The following CHMP4C variants were observed in gnomAD, a reference collection of about 807,000 sequenced individuals.
The protein encoded by CHMP4C is SNF7 homolog associated with Alix 3.
A neutral mutation model predicts 29.0 loss-of-function variants in CHMP4C; 28 were observed. The observed-to-expected ratio is 0.97, with a 90% CI of 0.72 to 1.32. The LOEUF (loss-of-function observed/expected upper bound fraction) is 1.32, where lower values mean the gene tolerates loss of function less well. CHMP4C is among the 40% of genes most tolerant of loss of function. The pLI is 0.00. For missense variants in CHMP4C, 291 were observed against 281.0 expected (o/e 1.04, Z -0.25); for synonymous variants, 106 against 102.4 (o/e 1.04, Z -0.21).
At chr8:81,752,248 T>C (rs954502194) in intron 1 of CHMP4C, among the ~76,000 whole-genome samples, 2 of 152,214 alleles carry the variant, frequency 1.3e-5, no homozygotes, top group Non-Finnish European at 2.9e-5. Context: ...AACATTCTGC[T>C]GCTGCTCTTT....
At chr8:81,757,905 T>C (rs901906701) in intron 3 of CHMP4C, among the ~76,000 whole-genome samples, 12 of 152,346 alleles carry the variant, frequency 7.9e-5, no homozygotes, top group Admixed American at 7.8e-4. Context: ...CACAAATTAC[T>C]TGAATGGCTG....
At position 81,758,514 on chromosome 8, in the gene CHMP4C, T is replaced by A; in HGVS notation, c.672T>A (p.Asp224Glu). The A allele has an allele frequency of 6.2e-7, 1 of 1,613,304 alleles. No individual in the cohort carries two copies. The highest frequency in any genetic ancestry group is 8.5e-7 in the Non-Finnish European group (1 of 1,179,272). Residue 224 changes from aspartate (D) to glutamate (E), a missense_variant, in exon 5 of 5, where the codon GAT becomes GAA. Asp to Glu is a conservative substitution (Grantham distance 45). Coordinates refer to ENST00000297265, the MANE Select transcript of CHMP4C (RefSeq NM_152284.4). ...AGAGGGCAGAAGAAGAGGATGATGA[T>A]ATCAAACAATTGGCAGCTTGGGCTA... Reference protein sequence around the residue: ...SSQRAEEEDDDIKQLAAWAT With the variant: ...SSQRAEEEDDEIKQLAAWAT
chr8:81,749,846 G>A (rs1007221180), intron 1 of CHMP4C, among the ~76,000 whole-genome samples: 5 of 152,190 alleles, frequency 3.3e-5, no homozygotes, highest in African/African-American at 9.7e-5. Flanking sequence ...CTCAGATGGA[G>A]ATGAGGAACT....
chr8:81,754,304 T>A (rs1370807204), intron 2 of CHMP4C, among the ~76,000 whole-genome samples: 1 of 152,138 alleles, frequency 6.6e-6, no homozygotes, highest in Non-Finnish European at 1.5e-5. Context: ...ACCATTGTAT[T>A]ACATTTGAGA....
chr8:81,748,504 A>G (rs989419307), intron 1 of CHMP4C, among the ~76,000 whole-genome samples: 1 of 152,226 alleles, frequency 6.6e-6, no homozygotes, highest in Admixed American at 6.5e-5. Context: ...GAACTAATAA[A>G]TGTCCATAAA....
At chr8:81,733,920 T>C (rs1007136714) in intron 1 of CHMP4C, among the ~76,000 whole-genome samples, 1 of 152,200 alleles carries the variant, frequency 6.6e-6, no homozygotes, top group Non-Finnish European at 1.5e-5. Context: ...CATTGTTTAA[T>C]GCAGGAAAGG....
At chr8:81,756,013 T>C (rs1484608470) in intron 3 of CHMP4C, among the ~76,000 whole-genome samples, 1 of 152,172 alleles carries the variant, frequency 6.6e-6, no homozygotes, top group Non-Finnish European at 1.5e-5. Flanking sequence ...ACTGTGAATT[T>C]CAATTGTTCT....
chr8:81,734,727 G>C (rs1244474795), intron 1 of CHMP4C, among the ~76,000 whole-genome samples: 1 of 152,016 alleles, frequency 6.6e-6, no homozygotes, highest in Non-Finnish European at 1.5e-5. Context: ...AATAATGTGG[G>C]TTTTACTGAT....
In CHMP4C at chr8:81,758,222, G is replaced by A. The variant is rs758354901; in HGVS notation, c.564G>A (p.Val188=). Residue 188 remains valine (V), a synonymous_variant, in exon 4 of 5, where the codon GTG becomes GTA. Transcript: ENST00000297265. ...KKMTNIRLPN[V]PSSSLPAQPN... The stretch of plus-strand genomic sequence containing the variant: ...TGACAAATATCCGCCTTCCAAATGT[G>A]CCTTCCTCTTCTCTCCCAGCACAGC... 9.3e-6 allele frequency: 15 copies of A among 1,613,946 alleles called. No homozygotes were observed. In the East Asian group the frequency reaches 3.3e-4, roughly 36 times the overall value.
intron 1 of CHMP4C, among the ~76,000 whole-genome samples, chr8:81,748,924 TAAA>T (rs34505643): frequency 4.2e-5 from 5 of 120,314 alleles, no homozygotes; most frequent in Admixed American, 8.6e-5. Flanking sequence ...AGACTCTGTG[TAAA>T]AAAAAAAAAA....
intron 1 of CHMP4C, among the ~76,000 whole-genome samples, chr8:81,746,286 G>A (rs942962745): frequency 6.6e-6 from 1 of 152,136 alleles, no homozygotes; most frequent in Non-Finnish European, 1.5e-5. Context: ...AAAAATTGGG[G>A]AATTTTGCAT....
intron 1 of CHMP4C, among the ~76,000 whole-genome samples, chr8:81,750,726 TA>T (rs139792673): frequency 1.3e-5 from 2 of 151,678 alleles, no homozygotes; most frequent in Non-Finnish European, 1.5e-5. Context: ...TATAATTAAA[TA>T]AAAAAATACA....
At chr8:81,757,642 C>A (rs1808988877) in intron 3 of CHMP4C, among the ~76,000 whole-genome samples, 1 of 152,170 alleles carries the variant, frequency 6.6e-6, no homozygotes, top group South Asian at 2.1e-4. Context: ...AACCCAAATG[C>A]ACAGCATAAT....
chr8:81,757,281 T>C (rs1407836034), intron 3 of CHMP4C, among the ~76,000 whole-genome samples: 3 of 152,172 alleles, frequency 2.0e-5, no homozygotes, highest in East Asian at 3.8e-4. Context: ...AATTCTCTCA[T>C]TCGTTATTCA....
intron 1 of CHMP4C, among the ~76,000 whole-genome samples, chr8:81,750,388 G>A (rs1808883939): frequency 6.6e-6 from 1 of 151,568 alleles, no homozygotes; most frequent in Non-Finnish European, 1.5e-5. Flanking sequence ...ATTGCTTGAG[G>A]CCAGGAATTT....
At chr8:81,752,406 G>A (rs1274599296) in intron 1 of CHMP4C, among the ~76,000 whole-genome samples, 3 of 152,112 alleles carry the variant, frequency 2.0e-5, no homozygotes, top group Non-Finnish European at 4.4e-5. Flanking sequence ...ATGTTAATGG[G>A]AAGATTATTT....
At chr8:81,741,493 T>G (rs1229029741) in intron 1 of CHMP4C, among the ~76,000 whole-genome samples, 1 of 152,126 alleles carries the variant, frequency 6.6e-6, no homozygotes, top group Non-Finnish European at 1.5e-5. Context: ...TAGGACCACT[T>G]ATTTCAGGTG....
chr8:81,739,418 T>TGGC (rs1554592450), intron 1 of CHMP4C, among the ~76,000 whole-genome samples: 21 of 93,578 alleles, frequency 2.2e-4, no homozygotes, highest in African/African-American at 8.6e-4. Flanking sequence ...TGGGGGATTG[T>TGGC]GGGGGGGGGT....
intron 1 of CHMP4C, among the ~76,000 whole-genome samples, chr8:81,743,401 C>A (rs60504844): frequency 6.6e-6 from 1 of 151,654 alleles, no homozygotes; most frequent in Non-Finnish European, 1.5e-5. Flanking sequence ...TGATAACAGG[C>A]CCCCAAAATT....
Sources: allele counts gnomAD v4.1 joint callset (sites outside exome capture counted in the v4.1 genomes callset), GRCh38; gene constraint gnomAD v4.1.1; transcripts MANE v1.5; gene names NCBI Gene and HGNC (gene_info 2026-07-23, HGNC 2026-07-21).